CA11: variants seen among roughly 807,000 people sequenced by gnomAD.
The protein encoded by CA11 is carbonic anhydrase 11 (inactive), also known as carbonic anhydrase-related protein 11.
A neutral mutation model predicts 39.3 loss-of-function variants in CA11; 20 were observed. The ratio of observed to expected loss-of-function variants is 0.51; its 90% CI spans 0.36 to 0.74. The LOEUF (loss-of-function observed/expected upper bound fraction) is 0.74. Ranked by LOEUF, CA11 falls within the 30% of genes least tolerant of loss-of-function variation. CA11 has a pLI of 0.00. For synonymous variants in CA11, 166 were observed against 172.5 expected (o/e 0.96, Z 0.29); for missense variants, 336 against 424.6 (o/e 0.79, Z 1.83).
In CA11 at chr19:48,639,195, C is replaced by G; in HGVS notation, c.795+110G>C. ...CCCCCAAGGTGGTCTGACCCTCTTA[C>G]CTACTTGAGTTCAGTCTATGAGGAG... is the stretch of plus-strand genomic sequence containing the variant. On this transcript the variant is annotated intron_variant, in intron 7 of 8. Transcript: ENST00000084798. 4 of 1,527,794 alleles carry G rather than the reference C, an allele frequency of 2.6e-6. No homozygotes were observed. In the South Asian group the frequency reaches 4.8e-5, roughly 18 times the overall value. The allele number at this position is 1,527,794 out of a possible 1,614,324, so 94.6% of individuals were successfully genotyped here.
chr19:48,641,855 G>C lies in CA11; in HGVS notation c.286-1575C>G, dbSNP rs145312259. Among the ~76,000 whole-genome samples the C allele has an allele frequency of 7.0e-3, 1,026 of 146,344 alleles. 38 individuals are homozygous for C. Among genetic ancestry groups the C allele is most frequent in the Admixed American group, 0.063 (923 of 14,564 alleles). ...TTTTTTTTTTTTTTTTGGTAGAGAGGGTTCTCCCTATGTTGCCCAGGCTGG... is the reference window on the plus strand; with the variant it reads ...TTTTTTTTTTTTTTTTGGTAGAGAGCGTTCTCCCTATGTTGCCCAGGCTGG... On this transcript the variant is annotated intron_variant, in intron 3 of 8. Transcript: ENST00000084798.
chr19:48,643,273 G>T lies in CA11; in HGVS notation c.285+1154C>A, dbSNP rs140467038. Among the ~76,000 whole-genome samples, 2,165 of 152,176 alleles carry T rather than the reference G, an allele frequency of 0.014. 25 individuals carry two copies. The highest frequency in any genetic ancestry group is 0.022 in the Non-Finnish European group (1,495 of 68,002). On this transcript the variant is annotated intron_variant, in intron 3 of 8. Coordinates refer to ENST00000084798, the MANE Select transcript of CA11 (RefSeq NM_001217.5). The surrounding 1 kb of genome is among the most constrained non-coding windows in gnomAD (Gnocchi z 4.3). The stretch of plus-strand genomic sequence containing the variant: ...CACCCAGGCTGGAGTCCAGTGGCGT[G>T]ATGTCAGCTCACTGCAACCTCCGCC...
intron 3 of CA11, among the ~76,000 whole-genome samples, chr19:48,641,827 T>TG (rs2031096263): frequency 6.8e-6 from 1 of 146,244 alleles, no homozygotes; most frequent in Admixed American, 6.8e-5. Context: ...AATTTTCTTT[T>TG]TTTTTTTTTT....
chr19:48,639,523 C>G, intron 6 of CA11, 26 bp downstream of exon 6: 1 of 1,613,892 alleles, frequency 6.2e-7, no homozygotes, highest in Non-Finnish European at 8.5e-7. Context: ...TGTGTGACCA[C>G]TGCCCCCAGC....
chr19:48,638,502 G>A (rs1377043286), intron 8 of CA11: 2 of 343,646 alleles, frequency 5.8e-6, no homozygotes, highest in East Asian at 6.3e-5. Flanking sequence ...TAAGGGGGAA[G>A]GGAGCATCAG....
intron 7 of CA11, 91 bp from the exon 8 acceptor site, chr19:48,639,144 G>T: frequency 6.4e-7 from 1 of 1,561,644 alleles, no homozygotes; most frequent in Non-Finnish European, 8.7e-7. Flanking sequence ...GAGCAGGTGG[G>T]CGGGGTCTGT....
At chr19:48,639,113 C>G in intron 7 of CA11, 60 bp from the exon 8 acceptor site, 1 of 1,598,326 alleles carries the variant, frequency 6.3e-7, no homozygotes, top group Non-Finnish European at 8.5e-7. Flanking sequence ...GGTGACGTCA[C>G]GCAGGAAACC....
In CA11 at chr19:48,645,445, A is replaced by C; in HGVS notation, c.100T>G (p.Trp34Gly). The C allele has an allele frequency of 6.2e-7, 1 of 1,602,314 alleles. No individual in the cohort carries two copies. Among genetic ancestry groups the C allele is most frequent in the Non-Finnish European group, 8.5e-7 (1 of 1,174,026 alleles). Residue 34 changes from tryptophan to glycine, a missense_variant, in exon 2 of 9, where the codon TGG (tryptophan) becomes GGG (glycine). Transcript: ENST00000084798. ...HIGPAPDPED[W>G]WSYKDNLQGN... Reference sequence around the variant, plus strand: ...TGGAGATTATCCTTGTAGCTCCACCAGTCCTCGGGGTCAGGTGCTGGTCCG... The same window carrying C: ...TGGAGATTATCCTTGTAGCTCCACCCGTCCTCGGGGTCAGGTGCTGGTCCG...
intron 2 of CA11, among the ~76,000 whole-genome samples, chr19:48,644,785 G>T (rs1001777111): frequency 6.6e-6 from 1 of 152,068 alleles, no homozygotes. Flanking sequence ...TAGCAGAGAC[G>T]GGTTTCACCA....
chr19:48,645,871 A>C lies in CA11; in HGVS notation c.-239T>G, dbSNP rs779652829. 1.2e-5 allele frequency: 6 copies of C among 514,368 alleles called. No homozygotes were observed. The highest frequency in any genetic ancestry group is 2.0e-5 in the Non-Finnish European group (6 of 294,846). 31.9% of individuals were successfully genotyped at this position (514,368 alleles called of 1,614,324 possible). A position where few individuals can be genotyped will look rare whatever the true frequency, so the allele number is the denominator to read the frequency against. On this transcript the variant is annotated 5_prime_UTR_variant, in exon 1 of 9. Transcript: ENST00000084798. Reference sequence around the variant, plus strand: ...CCTCTTTCCTCTGCTCTTTTCCCGGAACCCTCCAGTCTCCCTCTAGCTCCT... The same window carrying C: ...CCTCTTTCCTCTGCTCTTTTCCCGGCACCCTCCAGTCTCCCTCTAGCTCCT...
At chr19:48,644,367 C>T in intron 3 of CA11, 60 bp downstream of exon 3, 3 of 1,461,030 alleles carry the variant, frequency 2.1e-6, no homozygotes, top group Non-Finnish European at 2.8e-6. Context: ...CCCCATTCCC[C>T]AGCCTCTATT....
chr19:48,638,433 G>T, intron 8 of CA11: 2 of 1,019,646 alleles, frequency 2.0e-6, no homozygotes, highest in Non-Finnish European at 2.4e-6. Context: ...TGAGATTCCT[G>T]GGCTAAACCA....
chr19:48,639,000 G>A lies in CA11; in HGVS notation c.849C>T (p.Ser283=). 1 of 1,614,006 alleles carries A rather than the reference G, an allele frequency of 6.2e-7. No individual in the cohort carries two copies. ...GCAGGGGCCGGCTGTTACCGCTGAG[G>A]CTCTGGAAGATCTGAGATGGAGGAT... ...SQNPPSQIFQ[S]LSGNSRPLQP... is the part of the protein sequence containing the mutation. Residue 283 remains serine (S), a synonymous_variant, in exon 8 of 9, where the codon AGC becomes AGT. Coordinates refer to ENST00000084798, the MANE Select transcript of CA11 (RefSeq NM_001217.5).
chr19:48,639,269 C>A lies in CA11; in HGVS notation c.795+36G>T, dbSNP rs771839146. On this transcript the variant is annotated intron_variant, in intron 7 of 8. Transcript: ENST00000084798. ...ATGCCCAGGCCAGTGAGTGGAGTAC[C>A]CAGGCCTAGGAAGGGCGGTGCGGAC... The A allele has an allele frequency of 2.5e-6, 4 of 1,608,190 alleles. No homozygotes were observed. The East Asian group carries it at 8.9e-5, about 36-fold the overall frequency.
rs963958870 is a variant in CA11 at position 48,638,094 on chromosome 19, C to T, written c.*25G>A. 2 of 1,382,068 alleles carry T rather than the reference C, an allele frequency of 1.4e-6. No individual in the cohort carries two copies. The highest frequency in any genetic ancestry group is 3.2e-5 in the East Asian group (1 of 30,786). 85.6% of individuals were successfully genotyped at this position (1,382,068 alleles called of 1,614,324 possible). On this transcript the variant is annotated 3_prime_UTR_variant, in exon 9 of 9. Coordinates refer to ENST00000084798, the MANE Select transcript of CA11 (RefSeq NM_001217.5). ...GCCTTGTGGGGAGGCTTAGGACGGG[C>T]GGGTGCAATCCTCGAAGGGGAGTCT...
Position 48,639,133 on chromosome 19 carries a change from G to T in CA11, c.796-80C>A, listed in dbSNP as rs555045962. The T allele has an allele frequency of 8.3e-6, 13 of 1,571,744 alleles. No individual in the cohort carries two copies. The Admixed American group carries it at 8.8e-5, about 11-fold the overall frequency. On this transcript the variant is annotated intron_variant, in intron 7 of 8. Coordinates refer to ENST00000084798, the MANE Select transcript of CA11 (RefSeq NM_001217.5). ...CGTCACGCAGGAAACCCCGCCCCTG[G>T]GAGCAGGTGGGCGGGGTCTGTTCTC... is the stretch of plus-strand genomic sequence containing the variant.
intron 8 of CA11, 127 bp from the exon 9 acceptor site, chr19:48,638,271 G>A (rs2030912149): frequency 1.7e-6 from 2 of 1,176,154 alleles, no homozygotes; most frequent in Non-Finnish European, 2.1e-6. Flanking sequence ...GAACCAGAAT[G>A]TACTAGGTCG....
intron 1 of CA11, 40 bp downstream of exon 1, chr19:48,645,525 AC>A (rs2031221591): frequency 6.3e-7 from 1 of 1,593,358 alleles, no homozygotes; most frequent in Non-Finnish European, 8.5e-7. Context: ...CCCCACCTCC[AC>A]CCTCCCTCGG....
intron 8 of CA11, 51 bp from the exon 9 acceptor site, chr19:48,638,195 C>CG: frequency 4.3e-6 from 3 of 697,846 alleles, no homozygotes; most frequent in Non-Finnish European, 5.4e-6. Flanking sequence ...ATGGAAGGGG[C>CG]GGGGGGTGTG....
Sources: allele counts gnomAD v4.1 joint callset (sites outside exome capture counted in the v4.1 genomes callset), GRCh38; gene constraint gnomAD v4.1.1; non-coding constraint Gnocchi (gnomAD v3.1); transcripts MANE v1.5; gene names NCBI Gene and HGNC (gene_info 2026-07-23, HGNC 2026-07-21).